KIAA0586: variants seen among roughly 807,000 people sequenced by gnomAD.
The protein encoded by KIAA0586 is protein TALPID3.
A neutral mutation model predicts 169.8 loss-of-function variants in KIAA0586; 144 were observed. That is an observed-to-expected ratio of 0.85 (90% CI 0.74 to 0.97). KIAA0586 has a LOEUF of 0.97. Among genes scored for constraint, KIAA0586 ranks in the 50% least tolerant of loss-of-function variants. The probability of loss-of-function intolerance (pLI) is 0.00; values close to 1 mark genes in which losing one functional copy is unlikely to be tolerated. For missense variants in KIAA0586, 1,854 were observed against 1,823.0 expected, an observed-to-expected ratio of 1.02 and a Z score of -0.31; for synonymous variants, 625 against 612.4, an observed-to-expected ratio of 1.02 and a Z score of -0.30.
chr14:58,536,663 G>A (rs2046309520), intron 29 of KIAA0586, among the ~76,000 whole-genome samples: 1 of 152,164 alleles, frequency 6.6e-6, no homozygotes, highest in East Asian at 1.9e-4. Flanking sequence ...GGCACAGTGT[G>A]TACAAGTAGT....
chr14:58,533,070 C>T (rs1455480535), intron 29 of KIAA0586, among the ~76,000 whole-genome samples: 1 of 152,146 alleles, frequency 6.6e-6, no homozygotes, highest in Non-Finnish European at 1.5e-5. Context: ...TAATACTGTA[C>T]CACCTAATGG....
intron 27 of KIAA0586, among the ~76,000 whole-genome samples, chr14:58,504,925 T>C (rs145747949): frequency 1.9e-3 from 294 of 152,322 alleles, no homozygotes; most frequent in East Asian, 0.01. Flanking sequence ...CTTTATCTTG[T>C]GTACTCTCAT....
intron 28 of KIAA0586, among the ~76,000 whole-genome samples, chr14:58,510,162 A>C (rs1266069701): frequency 1.3e-5 from 2 of 152,188 alleles, no homozygotes; most frequent in Admixed American, 6.5e-5. Context: ...CGAGGTCAAG[A>C]GATCGAGACC....
At chr14:58,456,050 C>T (rs1181527699) in intron 9 of KIAA0586, among the ~76,000 whole-genome samples, 1 of 151,936 alleles carries the variant, frequency 6.6e-6, no homozygotes, top group East Asian at 1.9e-4. Flanking sequence ...TGAAAAATGC[C>T]CTGGGGATAC....
chr14:58,511,107 T>C (rs1414331938), intron 28 of KIAA0586, among the ~76,000 whole-genome samples: 1 of 152,166 alleles, frequency 6.6e-6, no homozygotes, highest in Non-Finnish European at 1.5e-5. Context: ...TTGGACACTT[T>C]AAATATGTGC....
intron 17 of KIAA0586, among the ~76,000 whole-genome samples, chr14:58,471,034 T>C (rs1296424487): frequency 3.9e-5 from 6 of 152,032 alleles, no homozygotes; most frequent in African/African-American, 1.4e-4. Context: ...GTATTTTTAG[T>C]AGAGATGGGG....
At chr14:58,432,305 T>C in intron 3 of KIAA0586, 83 bp from the exon 4 acceptor site, 1 of 834,826 alleles carries the variant, frequency 1.2e-6, no homozygotes, top group Non-Finnish European at 1.9e-6. Flanking sequence ...TTCTTTTAGT[T>C]AAAAAAGATT....
chr14:58,444,082 A>G lies in KIAA0586; in HGVS notation c.714A>G (p.Leu238=). 1.2e-6 allele frequency: 2 copies of G among 1,613,646 alleles called. No homozygotes were observed. The highest frequency in any genetic ancestry group is 1.7e-6 in the Non-Finnish European group (2 of 1,179,694). Residue 238 remains leucine (L), a synonymous_variant, in exon 6 of 31, where the codon TTA becomes TTG. Coordinates refer to ENST00000652326, the MANE Select transcript of KIAA0586 (RefSeq NM_001329943.3). ...QTSIQRKQEK[L]HCHDHEKQMN... Reference sequence around the variant, plus strand: ...GCATTCAGAGGAAACAAGAGAAATTACATTGTCATGATCACGAAAAGCAAA... The same window carrying G: ...GCATTCAGAGGAAACAAGAGAAATTGCATTGTCATGATCACGAAAAGCAAA...
chr14:58,499,117 A>G (rs1436254470), intron 27 of KIAA0586, among the ~76,000 whole-genome samples, 157 bp downstream of exon 27: 1 of 152,214 alleles, frequency 6.6e-6, no homozygotes, highest in Admixed American at 6.5e-5. Flanking sequence ...TTTATAGTAT[A>G]TATAGCAGTG....
At chr14:58,453,003 C>T (rs183105219) in intron 8 of KIAA0586, among the ~76,000 whole-genome samples, 16 of 151,954 alleles carry the variant, frequency 1.1e-4, no homozygotes, top group African/African-American at 3.1e-4. Flanking sequence ...TTGCAACCTC[C>T]GTGTCCCAGG....
At chr14:58,516,362 T>C (rs1003359310) in intron 29 of KIAA0586, among the ~76,000 whole-genome samples, 1 of 152,160 alleles carries the variant, frequency 6.6e-6, no homozygotes, top group Non-Finnish European at 1.5e-5. Context: ...ACATCTGTTA[T>C]TTCCAGGGTA....
chr14:58,530,496 A>T (rs2045889236), intron 29 of KIAA0586, among the ~76,000 whole-genome samples: 1 of 152,244 alleles, frequency 6.6e-6, no homozygotes, highest in Non-Finnish European at 1.5e-5. Flanking sequence ...AAACAGATAT[A>T]TAGACCAATG....
intron 16 of KIAA0586, among the ~76,000 whole-genome samples, chr14:58,469,634 C>A (rs2041046249): frequency 6.6e-6 from 1 of 152,132 alleles, no homozygotes; most frequent in African/African-American, 2.4e-5. Flanking sequence ...AAACAACACA[C>A]AGTAAGAACA....
At chr14:58,453,315 A>G (rs920142772) in intron 8 of KIAA0586, 35 bp from the exon 9 acceptor site, 6 of 1,104,528 alleles carry the variant, frequency 5.4e-6, no homozygotes, top group South Asian at 3.3e-5. Flanking sequence ...ATGAATTAGT[A>G]TTTGGAAAAT....
intron 10 of KIAA0586, 127 bp downstream of exon 10, chr14:58,456,937 A>C (rs1302090703): frequency 6.5e-6 from 4 of 619,048 alleles, no homozygotes; most frequent in Non-Finnish European, 8.5e-6. Flanking sequence ...TATGTCAGCC[A>C]CATCTGTTCC....
intron 29 of KIAA0586, among the ~76,000 whole-genome samples, chr14:58,532,651 G>A (rs1425710359): frequency 6.6e-6 from 1 of 152,072 alleles, no homozygotes; most frequent in Non-Finnish European, 1.5e-5. Context: ...CAAATGCTGT[G>A]TAATACACCT....
chr14:58,499,066 A>G, intron 27 of KIAA0586, 106 bp downstream of exon 27: 6 of 976,198 alleles, frequency 6.1e-6, no homozygotes, highest in South Asian at 1.9e-5. Flanking sequence ...TTTCTTTATT[A>G]AAAGGGATTT....
At chr14:58,442,186 T>C (rs1289089890) in intron 4 of KIAA0586, among the ~76,000 whole-genome samples, 1 of 151,984 alleles carries the variant, frequency 6.6e-6, no homozygotes, top group Non-Finnish European at 1.5e-5. Context: ...CCTGGCTCAC[T>C]GCAACCTTCG....
At chr14:58,461,244 A>G in intron 14 of KIAA0586, 84 bp downstream of exon 14, 2 of 960,324 alleles carry the variant, frequency 2.1e-6, no homozygotes, top group South Asian at 2.3e-5. Context: ...CTTTTTATTT[A>G]TTGCTTATAC....
Sources: allele counts gnomAD v4.1 joint callset (sites outside exome capture counted in the v4.1 genomes callset), GRCh38; gene constraint gnomAD v4.1.1; transcripts MANE v1.5; gene names NCBI Gene and HGNC (gene_info 2026-07-23, HGNC 2026-07-21).